CDH13: variants seen among roughly 807,000 people sequenced by gnomAD.
CDH13 encodes cadherin-13.
CDH13 carries 24 observed loss-of-function variants against 63.8 expected under a neutral mutation model. That is an observed-to-expected ratio of 0.38 (90% CI 0.27 to 0.53). CDH13 has a LOEUF of 0.53. Ranked by LOEUF, CDH13 falls within the 20% of genes least tolerant of loss-of-function variation. The pLI is 0.85. For missense variants in CDH13, 1,049 were observed against 903.1 expected (o/e 1.16, Z -2.07); for synonymous variants, 503 against 355.3 (o/e 1.42, Z -4.67).
At chr16:83,072,448 A>G (rs975063401) in intron 3 of CDH13, among the ~76,000 whole-genome samples, 5 of 152,286 alleles carry the variant, frequency 3.3e-5, no homozygotes, top group Admixed American at 2.0e-4. Flanking sequence ...ATTCTAACTC[A>G]CCATTGGGTA....
intron 1 of CDH13, among the ~76,000 whole-genome samples, chr16:82,740,585 C>T (rs2033883391): frequency 6.6e-6 from 1 of 152,174 alleles, no homozygotes; most frequent in Non-Finnish European, 1.5e-5. Flanking sequence ...AGGCTGGGCT[C>T]AGCTGGGCTT....
chr16:83,136,984 A>T (rs116308521), intron 4 of CDH13, among the ~76,000 whole-genome samples: 38 of 152,350 alleles, frequency 2.5e-4, no homozygotes, highest in Non-Finnish European at 4.6e-4. Flanking sequence ...ATGTTTAACA[A>T]TGGACTTCCA....
At chr16:83,396,092 G>A (rs1159755796) in intron 6 of CDH13, among the ~76,000 whole-genome samples, 1 of 152,164 alleles carries the variant, frequency 6.6e-6, no homozygotes, top group African/African-American at 2.4e-5. Flanking sequence ...ATGGCCTCCA[G>A]TTCTGTCCAT....
chr16:83,789,001 T>A (rs893748970), intron 13 of CDH13, among the ~76,000 whole-genome samples: 2 of 152,208 alleles, frequency 1.3e-5, no homozygotes, highest in Non-Finnish European at 2.9e-5. Flanking sequence ...GTAAAAGGCA[T>A]AAGATTTTCT....
chr16:82,683,242 C>T (rs1043676777), intron 1 of CDH13, among the ~76,000 whole-genome samples: 3 of 152,102 alleles, frequency 2.0e-5, no homozygotes, highest in South Asian at 2.1e-4. Context: ...ACCTGTTTGC[C>T]CCTTTCTGTC....
intron 10 of CDH13, among the ~76,000 whole-genome samples, chr16:83,737,614 C>T (rs1185869965): frequency 3.3e-5 from 5 of 152,146 alleles, no homozygotes; most frequent in Non-Finnish European, 5.9e-5. Flanking sequence ...CTGGTTTCCA[C>T]CTCAGAGTTT....
chr16:83,263,787 C>T (rs548815174), intron 5 of CDH13, among the ~76,000 whole-genome samples: 10 of 152,294 alleles, frequency 6.6e-5, no homozygotes, highest in African/African-American at 1.9e-4. Context: ...ATCCCAGCCA[C>T]TTAAGTTGGC....
intron 5 of CDH13, among the ~76,000 whole-genome samples, chr16:83,302,556 A>G (rs1433949472): frequency 6.6e-6 from 1 of 152,234 alleles, no homozygotes; most frequent in Non-Finnish European, 1.5e-5. Context: ...TTATCCCTTA[A>G]TTCAGAGCTA....
chr16:82,719,518 G>A (rs143830309), intron 1 of CDH13: 20 of 449,134 alleles, frequency 4.5e-5, no homozygotes, highest in African/African-American at 3.6e-4. Context: ...AAGTGGAGCT[G>A]GGGCTCCTTC....
chr16:82,639,291 C>G, intron 1 of CDH13: 1 of 1,109,208 alleles, frequency 9.0e-7, no homozygotes, highest in South Asian at 1.6e-5. Context: ...CTACTGATTG[C>G]AACCTTCAGA....
intron 2 of CDH13, among the ~76,000 whole-genome samples, chr16:82,873,221 A>T (rs1354411820): frequency 6.6e-6 from 1 of 152,200 alleles, no homozygotes; most frequent in African/African-American, 2.4e-5. Flanking sequence ...CTTCAGTTTG[A>T]GATACTGTGA....
intron 1 of CDH13, among the ~76,000 whole-genome samples, chr16:82,776,226 G>A (rs1031731131): frequency 7.3e-6 from 1 of 136,560 alleles, no homozygotes; most frequent in Non-Finnish European, 1.6e-5. Flanking sequence ...AGGAAGGGAT[G>A]AAGGAAGGAA....
chr16:83,470,093 G>A (rs1044261682), intron 6 of CDH13, among the ~76,000 whole-genome samples: 2 of 152,114 alleles, frequency 1.3e-5, no homozygotes, highest in Admixed American at 1.3e-4. Flanking sequence ...TGGGCTCTTA[G>A]TTGGAGTGAA....
intron 2 of CDH13, among the ~76,000 whole-genome samples, chr16:82,879,918 A>G (rs925793460): frequency 2.9e-5 from 4 of 139,148 alleles, no homozygotes; most frequent in Non-Finnish European, 4.5e-5. Flanking sequence ...ATATATTTAG[A>G]TATTATAGAA....
intron 10 of CDH13, among the ~76,000 whole-genome samples, chr16:83,691,070 C>A (rs1904813055): frequency 9.5e-6 from 1 of 105,308 alleles, no homozygotes; most frequent in African/African-American, 3.7e-5. Flanking sequence ...ACCAACTGTG[C>A]CGTGTGTGTG....
intron 1 of CDH13, among the ~76,000 whole-genome samples, chr16:82,775,206 A>G (rs2035441017): frequency 6.6e-6 from 1 of 152,226 alleles, no homozygotes; most frequent in Non-Finnish European, 1.5e-5. Context: ...AGATAAATGC[A>G]TGTAAAGCTC....
chr16:83,122,286 A>C (rs1293139810), intron 3 of CDH13, among the ~76,000 whole-genome samples: 1 of 152,228 alleles, frequency 6.6e-6, no homozygotes, highest in Admixed American at 6.5e-5. Context: ...TCCATAGGCA[A>C]CAGTTTCTAG....
At position 83,765,333 on chromosome 16, in the gene CDH13, A is replaced by C. The variant is rs1914294983; in HGVS notation, c.1682-14635A>C. ...TTTTTCTTTTATCTAAAGTCAGTGG[A>C]ATGGAAAAAAAAACCAAAAAGTTGA... On this transcript the variant is annotated intron_variant, in intron 11 of 13. Transcript: ENST00000567109. Among the ~76,000 whole-genome samples the C allele has an allele frequency of 5.7e-5, 3 of 52,806 alleles. No homozygotes were observed. In the South Asian group the frequency reaches 1.5e-3, roughly 27 times the overall value. 34.6% of individuals were successfully genotyped at this position (52,806 alleles called of 152,430 possible). A position where few individuals can be genotyped will look rare whatever the true frequency, so the allele number is the denominator to read the frequency against.
At chr16:83,768,878 C>T (rs1304753392) in intron 11 of CDH13, among the ~76,000 whole-genome samples, 1 of 152,060 alleles carries the variant, frequency 6.6e-6, no homozygotes, top group African/African-American at 2.4e-5. Context: ...GTCTTTATAA[C>T]CTATATCTTG....
Sources: allele counts gnomAD v4.1 joint callset (sites outside exome capture counted in the v4.1 genomes callset), GRCh38; gene constraint gnomAD v4.1.1; transcripts MANE v1.5; gene names NCBI Gene and HGNC (gene_info 2026-07-23, HGNC 2026-07-21).